ZNF385D: variants seen among roughly 807,000 people sequenced by gnomAD.
ZNF385D encodes zinc finger protein 659.
ZNF385D carries 15 observed loss-of-function variants against 35.8 expected under a neutral mutation model. The observed-to-expected ratio is 0.42, with a 90% CI of 0.28 to 0.64. The LOEUF (loss-of-function observed/expected upper bound fraction) is 0.64. ZNF385D is among the 30% of genes least tolerant of loss of function. The pLI, the probability that ZNF385D is intolerant of heterozygous loss-of-function variation, is 0.23. For missense variants in ZNF385D, 474 were observed against 494.6 expected, an observed-to-expected ratio of 0.96 and a Z score of 0.39; for synonymous variants, 212 against 186.8, an observed-to-expected ratio of 1.13 and a Z score of -1.10.
chr3:21,536,691 T>G (rs1425264281), intron 3 of ZNF385D, among the ~76,000 whole-genome samples: 1 of 152,032 alleles, frequency 6.6e-6, no homozygotes, highest in Non-Finnish European at 1.5e-5. Flanking sequence ...TAATTGGAGT[T>G]GGGCAATATA....
intron 3 of ZNF385D, among the ~76,000 whole-genome samples, chr3:22,065,615 G>A (rs982600671): frequency 6.6e-6 from 1 of 152,126 alleles, no homozygotes; most frequent in Non-Finnish European, 1.5e-5. Flanking sequence ...TTGAGGAAAG[G>A]ACTGAGTGTG....
At chr3:21,868,166 A>G (rs1055203965) in intron 3 of ZNF385D, among the ~76,000 whole-genome samples, 1 of 152,118 alleles carries the variant, frequency 6.6e-6, no homozygotes, top group Non-Finnish European at 1.5e-5. Context: ...GTCAGAGAGT[A>G]TTTTAAGCTC....
In ZNF385D at chr3:22,134,941, T is replaced by C. The variant is rs190895244; in HGVS notation, c.325+33876A>G. On this transcript the variant is annotated intron_variant, in intron 3 of 5. Coordinates refer to the ZNF385D transcript ENST00000494108. ...CCTTCCAACACTAGTACGTAGAAGATTATGTTTCCAGTGCATGAATTATGA... is the reference window on the plus strand; with the variant it reads ...CCTTCCAACACTAGTACGTAGAAGACTATGTTTCCAGTGCATGAATTATGA... Among the ~76,000 whole-genome samples, 39 of 152,326 alleles carry C rather than the reference T, an allele frequency of 2.6e-4. No homozygotes were observed. The East Asian group carries it at 6.9e-3, about 27-fold the overall frequency.
intron 3 of ZNF385D, among the ~76,000 whole-genome samples, chr3:22,068,317 T>C (rs950008413): frequency 1.3e-5 from 2 of 152,188 alleles, no homozygotes; most frequent in African/African-American, 4.8e-5. Context: ...GCATCAGTTT[T>C]AGTTCCAGCT....
intron 3 of ZNF385D, among the ~76,000 whole-genome samples, chr3:22,112,504 T>C (rs912088903): frequency 1.3e-5 from 2 of 152,152 alleles, no homozygotes; most frequent in African/African-American, 2.4e-5. Context: ...ATAAGCAAAA[T>C]TATATTTATC....
intron 3 of ZNF385D, among the ~76,000 whole-genome samples, chr3:21,917,324 CAG>C (rs752744580): frequency 1.3e-5 from 2 of 152,092 alleles, no homozygotes; most frequent in Non-Finnish European, 1.5e-5. Context: ...CCCAGCTACT[CAG>C]AAAGCCGAGG....
intron 3 of ZNF385D, among the ~76,000 whole-genome samples, chr3:21,952,813 C>G (rs943794208): frequency 6.6e-6 from 1 of 151,874 alleles, no homozygotes; most frequent in Non-Finnish European, 1.5e-5. Flanking sequence ...AGTTCCAAAA[C>G]TAAACATTTC....
intron 1 of ZNF385D, among the ~76,000 whole-genome samples, chr3:21,728,511 A>T (rs1461189669): frequency 6.6e-6 from 1 of 152,168 alleles, no homozygotes; most frequent in South Asian, 2.1e-4. Flanking sequence ...ACCTTTTTGA[A>T]ACAAAATTGA....
intron 3 of ZNF385D, among the ~76,000 whole-genome samples, chr3:21,916,777 A>G (rs1307922996): frequency 6.6e-6 from 1 of 152,240 alleles, no homozygotes; most frequent in Non-Finnish European, 1.5e-5. Context: ...AATCAGTACA[A>G]TAAACGAAAG....
At chr3:21,941,450 G>T (rs1422776984) in intron 3 of ZNF385D, among the ~76,000 whole-genome samples, 1 of 150,062 alleles carries the variant, frequency 6.7e-6, no homozygotes, top group Non-Finnish European at 1.5e-5. Context: ...GATTAAGCAG[G>T]ATGTTTTCTA....
At chr3:22,029,829 C>T (rs1446301815) in intron 3 of ZNF385D, among the ~76,000 whole-genome samples, 7 of 151,734 alleles carry the variant, frequency 4.6e-5, no homozygotes, top group East Asian at 3.9e-4. Flanking sequence ...TGTATGATCT[C>T]GGGAGATGTG....
chr3:22,142,783 C>T (rs920387556), intron 3 of ZNF385D, among the ~76,000 whole-genome samples: 1 of 151,970 alleles, frequency 6.6e-6, no homozygotes, highest in Admixed American at 6.6e-5. Flanking sequence ...CATGGGTCTG[C>T]CTGTTTTCCC....
chr3:22,357,031 T>C lies in ZNF385D; in HGVS notation c.106+15419A>G, dbSNP rs186807566. On this transcript the variant is annotated intron_variant, in intron 2 of 5. Transcript: ENST00000494108. ...CATTTTACTGAGCATATTAATTATA[T>C]GAAAAAGTGCAAGAATAAGCATTAG... is the stretch of plus-strand genomic sequence containing the variant. Among the ~76,000 whole-genome samples the C allele has an allele frequency of 1.7e-4, 26 of 151,948 alleles. No individual in the cohort carries two copies. In the East Asian group the frequency reaches 4.9e-3, roughly 28 times the overall value.
chr3:22,001,807 A>T (rs1468310872), intron 3 of ZNF385D, among the ~76,000 whole-genome samples: 1 of 152,090 alleles, frequency 6.6e-6, no homozygotes, highest in African/African-American at 2.4e-5. Context: ...AGGCCACCTG[A>T]AAACTATATA....
At chr3:22,120,434 G>C (rs765881062) in intron 3 of ZNF385D, among the ~76,000 whole-genome samples, 3 of 152,000 alleles carry the variant, frequency 2.0e-5, no homozygotes, top group Non-Finnish European at 2.9e-5. Flanking sequence ...TTATGACCTC[G>C]TATAAGCTTA....
intron 2 of ZNF385D, among the ~76,000 whole-genome samples, chr3:21,656,205 A>G (rs1385130762): frequency 6.6e-6 from 1 of 151,998 alleles, no homozygotes; most frequent in Non-Finnish European, 1.5e-5. Context: ...AACATTGCAG[A>G]AGAAATTCCA....
chr3:21,863,539 AGG>A (rs1697173487), intron 3 of ZNF385D, among the ~76,000 whole-genome samples: 3 of 152,156 alleles, frequency 2.0e-5, no homozygotes, highest in Admixed American at 6.5e-5. Context: ...ATCAAAGGAA[AGG>A]TTTTAAACCT....
chr3:22,148,144 A>G (rs747971460), intron 3 of ZNF385D, among the ~76,000 whole-genome samples: 4 of 152,168 alleles, frequency 2.6e-5, no homozygotes, highest in Non-Finnish European at 2.9e-5. Flanking sequence ...ATAGAACCAT[A>G]TAATTCAAGG....
intron 3 of ZNF385D, among the ~76,000 whole-genome samples, chr3:21,910,509 C>A (rs1699911587): frequency 6.6e-6 from 1 of 151,812 alleles, no homozygotes; most frequent in African/African-American, 2.4e-5. Flanking sequence ...TTACTACTTT[C>A]AGGAAATTAT....
Sources: gnomAD v4.1 joint callset for allele counts (sites outside exome capture counted in the v4.1 genomes callset) on GRCh38, gnomAD v4.1.1 for gene constraint, MANE v1.5 for transcripts, NCBI Gene and HGNC (gene_info 2026-07-23, HGNC 2026-07-21) for gene names.